HPSE2: variants seen among roughly 807,000 people sequenced by gnomAD.
HPSE2 encodes the protein heparanase 2 (inactive), also known as inactive heparanase-2.
Under a neutral mutation model 60.5 loss-of-function variants are expected in HPSE2, and 38 were observed. The ratio of observed to expected loss-of-function variants is 0.63; its 90% confidence interval spans 0.48 to 0.82. The LOEUF (loss-of-function observed/expected upper bound fraction) is 0.82. HPSE2 is among the 40% of genes least tolerant of loss of function. HPSE2 has a pLI of 0.00. For missense variants in HPSE2, 713 were observed against 740.4 expected, an observed-to-expected ratio of 0.96 and a Z score of 0.43; for synonymous variants, 295 against 293.2, an observed-to-expected ratio of 1.01 and a Z score of -0.06.
rs1158143215 is a variant in HPSE2 at position 99,132,217 on chromosome 10, G to A, written c.610+12021C>T. Among the ~76,000 whole-genome samples, 209 of 21,312 alleles carry A rather than the reference G, an allele frequency of 9.8e-3. 11 individuals carry two copies. Among genetic ancestry groups the A allele is most frequent in the Admixed American group, 0.017 (27 of 1,550 alleles). The allele number at this position is 21,312 out of a possible 152,430, so 14.0% of individuals were successfully genotyped here. A position where few individuals can be genotyped will look rare whatever the true frequency, so the allele number is the denominator to read the frequency against. On this transcript the variant is annotated intron_variant, in intron 3 of 11. Transcript: ENST00000370552. ...AGAGAGAGAGAGAGAGAGAGAGAGA[G>A]AGAGAGAGAGAGAGAGAGAGAGAGA...
chr10:98,788,503 C>G (rs7921826), intron 3 of HPSE2, among the ~76,000 whole-genome samples: 87 of 145,710 alleles, frequency 6.0e-4, no homozygotes, highest in African/African-American at 1.2e-3. Context: ...GCTTTGTTTA[C>G]GTAAGCAAGC....
chr10:98,491,773 T>G (rs1419724544), intron 9 of HPSE2, among the ~76,000 whole-genome samples: 6 of 152,154 alleles, frequency 3.9e-5, no homozygotes, highest in Admixed American at 1.3e-4. Context: ...TCCATTTGCC[T>G]CCAATGGCTG....
chr10:99,132,191 AAGAGAGAGAGAGAGAGAGAGAGAGAG>A (rs781059893), intron 3 of HPSE2, among the ~76,000 whole-genome samples: 1 of 71,906 alleles, frequency 1.4e-5, no homozygotes, highest in African/African-American at 6.4e-5. Context: ...GAAAGAAAGA[AAGAGAGAGAGAGAGAGAGAGAGAGAG>A]AGAGAGAGAG....
intron 5 of HPSE2, among the ~76,000 whole-genome samples, chr10:98,695,054 G>T (rs979785626): frequency 6.6e-6 from 1 of 152,190 alleles, no homozygotes. Flanking sequence ...ATGCTGTGTG[G>T]GTTGCTGTGT....
intron 3 of HPSE2, among the ~76,000 whole-genome samples, chr10:99,024,723 A>G (rs1957337920): frequency 6.6e-6 from 1 of 152,226 alleles, no homozygotes. Context: ...CAGGCTTTTC[A>G]GTGGAAACCT....
intron 3 of HPSE2, among the ~76,000 whole-genome samples, chr10:99,083,768 CTT>C (rs1843222767): frequency 6.6e-6 from 1 of 152,056 alleles, no homozygotes; most frequent in Non-Finnish European, 1.5e-5. Flanking sequence ...GAAAGGGACT[CTT>C]GAGTTTCTTT....
intron 9 of HPSE2, among the ~76,000 whole-genome samples, chr10:98,494,319 T>C (rs1375334880): frequency 6.6e-6 from 1 of 152,232 alleles, no homozygotes; most frequent in Non-Finnish European, 1.5e-5. Flanking sequence ...ATTCTGTATT[T>C]GTCCCAATTG....
intron 2 of HPSE2, among the ~76,000 whole-genome samples, chr10:99,169,969 A>G (rs974931775): frequency 3.9e-5 from 6 of 152,210 alleles, no homozygotes; most frequent in African/African-American, 1.2e-4. Flanking sequence ...GATACCAAAT[A>G]CAAGAGCAGC....
At chr10:99,111,094 T>C (rs2135678413) in intron 3 of HPSE2, among the ~76,000 whole-genome samples, 1 of 152,300 alleles carries the variant, frequency 6.6e-6, no homozygotes, top group South Asian at 2.1e-4. Context: ...TGAATTACCC[T>C]TCCTCCTTTG....
At chr10:98,724,134 G>A (rs779158171) in intron 4 of HPSE2, among the ~76,000 whole-genome samples, 7 of 150,088 alleles carry the variant, frequency 4.7e-5, no homozygotes, top group Admixed American at 6.7e-5. Flanking sequence ...ACACTGCTTT[G>A]AATGTGTCCC....
chr10:99,009,488 C>T (rs1401096732), intron 3 of HPSE2, among the ~76,000 whole-genome samples: 1 of 152,110 alleles, frequency 6.6e-6, no homozygotes, highest in East Asian at 1.9e-4. Context: ...CCTCCAGAGC[C>T]GGGTTACTAC....
At chr10:99,139,755 C>A (rs1435455890) in intron 3 of HPSE2, among the ~76,000 whole-genome samples, 1 of 152,066 alleles carries the variant, frequency 6.6e-6, no homozygotes, top group Non-Finnish European at 1.5e-5. Flanking sequence ...CTAGAAGAGT[C>A]ACATTTTACA....
At chr10:98,757,714 T>C (rs1949909984) in intron 3 of HPSE2, among the ~76,000 whole-genome samples, 1 of 151,996 alleles carries the variant, frequency 6.6e-6, no homozygotes, top group African/African-American at 2.4e-5. Flanking sequence ...TGGAAAAACA[T>C]TTCATGCACA....
At chr10:98,596,296 T>C (rs1168606725) in intron 9 of HPSE2, among the ~76,000 whole-genome samples, 1 of 151,866 alleles carries the variant, frequency 6.6e-6, no homozygotes, top group Non-Finnish European at 1.5e-5. Context: ...TTATATTGTG[T>C]ATCCCCTAAC....
At chr10:99,146,713 T>C (rs1305492975) in intron 2 of HPSE2, among the ~76,000 whole-genome samples, 4 of 151,852 alleles carry the variant, frequency 2.6e-5, no homozygotes, top group African/African-American at 9.7e-5. Flanking sequence ...ATACAAAAAT[T>C]AGCTGGGCGT....
intron 3 of HPSE2, among the ~76,000 whole-genome samples, chr10:98,983,961 G>A (rs548721933): frequency 5.9e-5 from 9 of 152,326 alleles, no homozygotes; most frequent in African/African-American, 2.2e-4. Context: ...GACCCTCATT[G>A]CCCAGGCTTG....
chr10:98,636,626 T>C (rs1277865740), intron 7 of HPSE2, among the ~76,000 whole-genome samples: 1 of 152,186 alleles, frequency 6.6e-6, no homozygotes, highest in Non-Finnish European at 1.5e-5. Context: ...TTATTATATG[T>C]CAATTAAAAA....
chr10:98,736,229 A>G (rs1465701920), intron 4 of HPSE2, among the ~76,000 whole-genome samples: 4 of 139,218 alleles, frequency 2.9e-5, no homozygotes, highest in African/African-American at 1.1e-4. Context: ...TTTTTTATTC[A>G]GTTCTGGCTG....
At chr10:98,536,433 A>G (rs1028552546) in intron 9 of HPSE2, among the ~76,000 whole-genome samples, 2 of 152,234 alleles carry the variant, frequency 1.3e-5, no homozygotes, top group African/African-American at 2.4e-5. Flanking sequence ...GAGCACTTCA[A>G]TGTGAACAAA....
Sources: gnomAD v4.1 joint callset for allele counts (sites outside exome capture counted in the v4.1 genomes callset) on GRCh38, gnomAD v4.1.1 for gene constraint, MANE v1.5 for transcripts, NCBI Gene and HGNC (gene_info 2026-07-23, HGNC 2026-07-21) for gene names.